Variants in FAM171B observed in about 807,000 individuals in gnomAD.
FAM171B encodes the protein protein FAM171B.
Under a neutral mutation model 75.6 loss-of-function variants are expected in FAM171B, and 19 were observed. The ratio of observed to expected loss-of-function variants is 0.25; its 90% CI spans 0.18 to 0.37. The LOEUF is 0.37. Among genes scored for constraint, FAM171B ranks in the 10% least tolerant of loss-of-function variants. FAM171B has a pLI of 1.00. For synonymous variants in FAM171B, 367 were observed against 361.7 expected (o/e 1.01, Z -0.17); for missense variants, 848 against 982.4 (o/e 0.86, Z 1.83).
chr2:186,761,197 T>C lies in FAM171B; in HGVS notation c.1097T>C (p.Ile366Thr). 6.2e-7 allele frequency: 1 copy of C among 1,612,536 alleles called. No homozygotes were observed. Among genetic ancestry groups the C allele is most frequent in the South Asian group, 1.1e-5 (1 of 90,882 alleles). The change falls in exon 7 of 8, where the codon ATT becomes ACT. Residue 366 changes from isoleucine to threonine, a missense_variant. By Grantham distance (89) the Ile-to-Thr change is moderately conservative. This residue lies in a region of FAM171B where 665 missense variants were observed against 729.0 expected (regional missense o/e 0.91). Coordinates refer to ENST00000304698, the MANE Select transcript of FAM171B (RefSeq NM_177454.4). ...LTAILGGTIVIVIGFFAVLLC... is the reference protein window; with the variant it reads ...LTAILGGTIVTVIGFFAVLLC... ...GCCATATTAGGAGGAACAATAGTCATTGTCATTGGATTTTTTGCTGTACTA... is the reference window on the plus strand; with the variant it reads ...GCCATATTAGGAGGAACAATAGTCACTGTCATTGGATTTTTTGCTGTACTA...
intron 1 of FAM171B, among the ~76,000 whole-genome samples, chr2:186,724,541 G>T (rs1456434758): frequency 6.6e-6 from 1 of 152,192 alleles, no homozygotes; most frequent in Non-Finnish European, 1.5e-5. Flanking sequence ...ATAATTGTGA[G>T]TATAACCTAT....
At position 186,703,076 on chromosome 2, in the gene FAM171B, TAC is replaced by T. The variant is rs35043744; in HGVS notation, c.238+8689_238+8690del. Among the ~76,000 whole-genome samples the T allele has an allele frequency of 8.8e-3, 1,282 of 145,482 alleles. 25 individuals carry two copies. Among genetic ancestry groups the T allele is most frequent in the African/African-American group, 0.031 (1,202 of 39,146 alleles). Reference sequence around the variant, plus strand: ...ATATGTGTGTGTGTATATATATATATACACACACACACACACACACACACAAA... The same window carrying T: ...ATATGTGTGTGTGTATATATATATATACACACACACACACACACACACAAA... On this transcript the variant is annotated intron_variant, in intron 1 of 7. Transcript: ENST00000304698.
rs576728199 is a variant in FAM171B, at chr2:186,703,378, G to A, written c.238+8967G>A. Among the ~76,000 whole-genome samples, 6 of 152,332 alleles carry A rather than the reference G, an allele frequency of 3.9e-5. No individual in the cohort carries two copies. In the East Asian group the frequency reaches 7.7e-4, roughly 20 times the overall value. ...ATGTGAGCAGTTGACCAGTCAACCA[G>A]TAGAAATGTTCACTTTCAACTCATA... On this transcript the variant is annotated intron_variant, in intron 1 of 7. Coordinates refer to ENST00000304698, the MANE Select transcript of FAM171B (RefSeq NM_177454.4).
chr2:186,697,554 G>A (rs1407099094), intron 1 of FAM171B, among the ~76,000 whole-genome samples: 1 of 152,150 alleles, frequency 6.6e-6, no homozygotes, highest in East Asian at 1.9e-4. Flanking sequence ...TTCTTTACCT[G>A]AGTATACTTA....
intron 1 of FAM171B, among the ~76,000 whole-genome samples, chr2:186,723,451 CT>C (rs142688303): frequency 0.022 from 3,389 of 152,106 alleles, 135 homozygotes; most frequent in African/African-American, 0.076. Flanking sequence ...CCCCTTATGT[CT>C]TTTTTTTATT....
intron 6 of FAM171B, among the ~76,000 whole-genome samples, chr2:186,759,488 C>T (rs1378636393): frequency 1.3e-5 from 2 of 152,128 alleles, no homozygotes; most frequent in Admixed American, 1.3e-4. Context: ...CTTTTCTCTA[C>T]ATCCTCACCA....
intron 1 of FAM171B, among the ~76,000 whole-genome samples, chr2:186,722,932 G>A (rs756444293): frequency 2.6e-5 from 4 of 152,060 alleles, no homozygotes; most frequent in Non-Finnish European, 5.9e-5. Context: ...GAACTTTGGG[G>A]GAATATTTTT....
Position 186,753,042 on chromosome 2 carries a change from A to G in FAM171B, c.896-891A>G, listed in dbSNP as rs1690479465. Among the ~76,000 whole-genome samples, 5 of 152,364 alleles carry G rather than the reference A, an allele frequency of 3.3e-5. No homozygotes were observed. In the South Asian group the frequency reaches 1.0e-3, roughly 32 times the overall value. The stretch of plus-strand genomic sequence containing the variant: ...TAGTAAAAAATTAAGGCCATAAAAC[A>G]GTATATTTAATCAGAATATCAGATA... On this transcript the variant is annotated intron_variant, in intron 5 of 7. Transcript: ENST00000304698.
chr2:186,730,178 C>G (rs1374856397), intron 1 of FAM171B, among the ~76,000 whole-genome samples: 2 of 152,166 alleles, frequency 1.3e-5, no homozygotes, highest in African/African-American at 2.4e-5. Context: ...CCAGGATGGT[C>G]TCAATCTCTT....
At chr2:186,715,144 C>A (rs780187404) in intron 1 of FAM171B, among the ~76,000 whole-genome samples, 2 of 152,140 alleles carry the variant, frequency 1.3e-5, no homozygotes, top group African/African-American at 2.4e-5. Context: ...ACATTTACTA[C>A]GCCCAGAATC....
intron 1 of FAM171B, among the ~76,000 whole-genome samples, chr2:186,728,944 T>G (rs926301362): frequency 6.6e-6 from 1 of 152,214 alleles, no homozygotes; most frequent in Non-Finnish European, 1.5e-5. Flanking sequence ...AGCAGTATTT[T>G]TAAAGCCCTT....
chr2:186,739,967 A>T (rs963519053), intron 1 of FAM171B, among the ~76,000 whole-genome samples: 1 of 152,224 alleles, frequency 6.6e-6, no homozygotes, highest in African/African-American at 2.4e-5. Flanking sequence ...GGAATTTTTT[A>T]GTGCCATCAT....
rs546497319 is a variant in FAM171B, at chr2:186,747,625, TATTC to T, written c.724+379_724+382del. Among the ~76,000 whole-genome samples the T allele has an allele frequency of 1.3e-4, 20 of 152,258 alleles. No individual in the cohort carries two copies. The East Asian group carries it at 3.9e-3, about 29-fold the overall frequency. On this transcript the variant is annotated intron_variant, in intron 4 of 7. Transcript: ENST00000304698. ...TTTGTATTTTTTTCATAATTTGATG[TATTC>T]ATTTTTATCCAACTGATGAGAAGTG...
intron 1 of FAM171B, among the ~76,000 whole-genome samples, chr2:186,715,451 C>T (rs1250385919): frequency 6.6e-6 from 1 of 152,104 alleles, no homozygotes; most frequent in African/African-American, 2.4e-5. Context: ...AATCCTCAGG[C>T]CTCCCCCTCA....
intron 2 of FAM171B, among the ~76,000 whole-genome samples, chr2:186,742,931 T>A (rs1690309909): frequency 6.6e-6 from 1 of 152,182 alleles, no homozygotes; most frequent in South Asian, 2.1e-4. Flanking sequence ...CCTGCATTAC[T>A]ACTAAAGGTT....
chr2:186,742,799 A>C (rs566615726), intron 2 of FAM171B, among the ~76,000 whole-genome samples: 54 of 152,192 alleles, frequency 3.5e-4, no homozygotes, highest in Non-Finnish European at 6.6e-4. Flanking sequence ...CTTGCTTATA[A>C]AATGGTCTTT....
At position 186,728,591 on chromosome 2, in the gene FAM171B, T is replaced by G. The variant is rs74857469; in HGVS notation, c.239-11637T>G. ...CAGGATACATAAAACTCAATAAAAA[T>G]TTTGAATTTATCCCATTAAAATATT... is the stretch of plus-strand genomic sequence containing the variant. On this transcript the variant is annotated intron_variant, in intron 1 of 7. Coordinates refer to ENST00000304698, the MANE Select transcript of FAM171B (RefSeq NM_177454.4). Among the ~76,000 whole-genome samples, 148 of 152,364 alleles carry G rather than the reference T, an allele frequency of 9.7e-4. 1 individual carries two copies. Among genetic ancestry groups the G allele is most frequent in the African/African-American group, 3.3e-3 (138 of 41,598 alleles).
At chr2:186,757,510 C>A (rs1690549697) in intron 6 of FAM171B, among the ~76,000 whole-genome samples, 1 of 151,972 alleles carries the variant, frequency 6.6e-6, no homozygotes, top group African/African-American at 2.4e-5. Flanking sequence ...CTAGTGTTTG[C>A]AGAGCTGCTT....
chr2:186,721,903 AC>A (rs199816342), intron 1 of FAM171B, among the ~76,000 whole-genome samples: 2,421 of 150,716 alleles, frequency 0.016, 41 homozygotes, highest in Non-Finnish European at 0.019. Flanking sequence ...AAAAAAAAAA[AC>A]CATATTTGCT....
Sources: gnomAD v4.1 joint callset for allele counts (sites outside exome capture counted in the v4.1 genomes callset) on GRCh38, gnomAD v4.1.1 for gene constraint, gnomAD v4.1.1 regional missense constraint, MANE v1.5 for transcripts, NCBI Gene and HGNC (gene_info 2026-07-23, HGNC 2026-07-21) for gene names.